CSMD3: variants seen among roughly 807,000 people sequenced by gnomAD.
The protein encoded by CSMD3 is CUB and Sushi multiple domains 3.
In CSMD3, 177 loss-of-function variants were observed where a neutral mutation model predicts 435.2. That is an observed-to-expected ratio of 0.41 (90% CI 0.36 to 0.46). The LOEUF is 0.46. Ranked by LOEUF, CSMD3 falls within the 20% of genes least tolerant of loss-of-function variation. The probability of loss-of-function intolerance (pLI) is 0.34; values close to 1 mark genes in which losing one functional copy is unlikely to be tolerated. For missense variants in CSMD3, 4,265 were observed against 4,504.6 expected, an observed-to-expected ratio of 0.95 and a Z score of 1.52; for synonymous variants, 1,656 against 1,520.5, an observed-to-expected ratio of 1.09 and a Z score of -2.07.
intron 53 of CSMD3, among the ~76,000 whole-genome samples, chr8:112,298,988 C>T (rs972446167): frequency 1.3e-5 from 2 of 151,926 alleles, no homozygotes. Context: ...AAGAGAATGG[C>T]TGAAATGTGG....
At chr8:113,269,093 T>G (rs2093496951) in intron 3 of CSMD3, among the ~76,000 whole-genome samples, 1 of 152,232 alleles carries the variant, frequency 6.6e-6, no homozygotes, top group Non-Finnish European at 1.5e-5. Flanking sequence ...ATCAAAAAGA[T>G]TTTATTTAAT....
chr8:112,929,384 A>G (rs963547018), intron 9 of CSMD3, among the ~76,000 whole-genome samples: 8 of 121,240 alleles, frequency 6.6e-5, no homozygotes, highest in Non-Finnish European at 1.4e-4. Flanking sequence ...TAATAAAAAA[A>G]AAATTAAAAA....
intron 30 of CSMD3, among the ~76,000 whole-genome samples, chr8:112,494,150 T>G (rs1820979310): frequency 6.6e-6 from 1 of 152,122 alleles, no homozygotes; most frequent in Non-Finnish European, 1.5e-5. Context: ...ATCTGTGCTT[T>G]AAGAAGAACA....
At chr8:112,634,854 ACT>A (rs1261326491) in intron 22 of CSMD3, among the ~76,000 whole-genome samples, 5 of 151,936 alleles carry the variant, frequency 3.3e-5, no homozygotes, top group Non-Finnish European at 5.9e-5. Flanking sequence ...TTCCCTAGAC[ACT>A]AGTGAGGAAA....
chr8:113,126,666 A>G (rs970041695), intron 4 of CSMD3, among the ~76,000 whole-genome samples: 10 of 151,908 alleles, frequency 6.6e-5, no homozygotes, highest in Non-Finnish European at 1.2e-4. Flanking sequence ...GGAAAAGCAG[A>G]AGGAGGAGGA....
At chr8:112,505,997 T>A (rs1822462988) in intron 29 of CSMD3, among the ~76,000 whole-genome samples, 1 of 152,144 alleles carries the variant, frequency 6.6e-6, no homozygotes, top group African/African-American at 2.4e-5. Flanking sequence ...ATATTTCTAA[T>A]GTCCGTATTG....
intron 13 of CSMD3, among the ~76,000 whole-genome samples, chr8:112,728,267 A>G (rs1278462988): frequency 6.6e-6 from 1 of 151,966 alleles, no homozygotes; most frequent in African/African-American, 2.4e-5. Context: ...AACAATAAAA[A>G]CAGAGGTAAC....
intron 16 of CSMD3, among the ~76,000 whole-genome samples, chr8:112,679,810 T>A (rs2075848359): frequency 6.6e-6 from 1 of 152,164 alleles, no homozygotes; most frequent in Non-Finnish European, 1.5e-5. Context: ...GACTGAGATT[T>A]AAAACAAATT....
intron 11 of CSMD3, among the ~76,000 whole-genome samples, chr8:112,842,420 T>C (rs754142745): frequency 3.3e-5 from 5 of 151,790 alleles, no homozygotes; most frequent in Non-Finnish European, 7.4e-5. Context: ...ATCTGCACCG[T>C]AGGAAACTAA....
At chr8:112,977,426 G>T (rs2084894779) in intron 6 of CSMD3, among the ~76,000 whole-genome samples, 1 of 151,666 alleles carries the variant, frequency 6.6e-6, no homozygotes, top group Non-Finnish European at 1.5e-5. Context: ...TTCTGAAAGA[G>T]AAAAAAAAGC....
chr8:112,993,611 A>T (rs1200859751), intron 6 of CSMD3, among the ~76,000 whole-genome samples: 1 of 151,860 alleles, frequency 6.6e-6, no homozygotes, highest in African/African-American at 2.4e-5. Context: ...TCAAGGAACC[A>T]TATTTTTAGA....
At chr8:112,570,389 G>A (rs1017676382) in intron 24 of CSMD3, among the ~76,000 whole-genome samples, 4 of 152,144 alleles carry the variant, frequency 2.6e-5, no homozygotes, top group African/African-American at 9.7e-5. Flanking sequence ...TATATTAGTT[G>A]CATATATAAA....
intron 4 of CSMD3, among the ~76,000 whole-genome samples, chr8:113,139,426 G>A (rs1436143630): frequency 6.6e-6 from 1 of 150,746 alleles, no homozygotes; most frequent in Admixed American, 6.7e-5. Context: ...ATAAGGAGAG[G>A]TAAAGTTTTT....
At chr8:112,575,284 T>C (rs1829852162) in intron 23 of CSMD3, among the ~76,000 whole-genome samples, 1 of 152,116 alleles carries the variant, frequency 6.6e-6, no homozygotes, top group Admixed American at 6.6e-5. Context: ...CACGCTCCAT[T>C]TGTAATTGAT....
At chr8:112,313,285 C>T (rs556936957) in intron 49 of CSMD3, among the ~76,000 whole-genome samples, 11 of 152,128 alleles carry the variant, frequency 7.2e-5, no homozygotes, top group East Asian at 3.9e-4. Flanking sequence ...AAAGCAGTAG[C>T]GACAAAACGC....
chr8:112,674,476 A>G (rs2075728575), intron 16 of CSMD3, among the ~76,000 whole-genome samples: 1 of 152,070 alleles, frequency 6.6e-6, no homozygotes, highest in African/African-American at 2.4e-5. Context: ...CAATTCCCTG[A>G]TAAAAGAGAA....
At chr8:112,418,828 G>C (rs1240314944) in intron 32 of CSMD3, among the ~76,000 whole-genome samples, 1 of 151,950 alleles carries the variant, frequency 6.6e-6, no homozygotes, top group Non-Finnish European at 1.5e-5. Flanking sequence ...AATATTTTTT[G>C]GTGCTGAAAT....
At position 113,079,511 on chromosome 8, in the gene CSMD3, C is replaced by T. The variant is rs138245356; in HGVS notation, c.917+19245G>A. On this transcript the variant is annotated intron_variant, in intron 5 of 70. Transcript: ENST00000297405. The stretch of plus-strand genomic sequence containing the variant: ...ATATATAGCTGCTATCAAAATTTAA[C>T]AAAGACTGCATCTGAGGTTGCATCA... 3.3e-3 allele frequency among the ~76,000 whole-genome samples: 501 copies of T among 151,910 alleles called. 3 individuals are homozygous for T. Among genetic ancestry groups the T allele is most frequent in the African/African-American group, 0.01 (431 of 41,436 alleles).
At chr8:112,400,496 T>C (rs1429728296) in intron 35 of CSMD3, among the ~76,000 whole-genome samples, 1 of 152,136 alleles carries the variant, frequency 6.6e-6, no homozygotes, top group Non-Finnish European at 1.5e-5. Context: ...ATGGATGCAG[T>C]GTAAGGATTC....
Sources: allele counts gnomAD v4.1 joint callset (sites outside exome capture counted in the v4.1 genomes callset), GRCh38; gene constraint gnomAD v4.1.1; transcripts MANE v1.5; gene names NCBI Gene and HGNC (gene_info 2026-07-23, HGNC 2026-07-21).